ASXL2: variants seen among roughly 807,000 people sequenced by gnomAD.
ASXL2 encodes putative Polycomb group protein ASXL2.
Under a neutral mutation model 122.0 loss-of-function variants are expected in ASXL2, and 23 were observed. That is an observed-to-expected ratio of 0.19 (90% CI 0.14 to 0.27). The LOEUF (loss-of-function observed/expected upper bound fraction) is 0.27, where lower values mean the gene tolerates loss of function less well. ASXL2 is among the 10% of genes least tolerant of loss of function. The pLI is 1.00. For missense variants in ASXL2, 1,518 were observed against 1,713.8 expected (o/e 0.89, Z 2.02); for synonymous variants, 650 against 637.0 (o/e 1.02, Z -0.31).
rs901314690 is a variant in ASXL2, at chr2:25,878,026, A to G, written c.57+140T>C. The G allele has an allele frequency of 2.2e-5, 23 of 1,058,476 alleles. No homozygotes were observed. In the African/African-American group the frequency reaches 3.0e-4, roughly 14 times the overall value. The allele number at this position is 1,058,476 out of a possible 1,614,324, so 65.6% of individuals were successfully genotyped here. A position where few individuals can be genotyped will look rare whatever the true frequency, so the allele number is the denominator to read the frequency against. On this transcript the variant is annotated intron_variant, in intron 1 of 12. Transcript: ENST00000435504. ...CATTCCCACAGGGATCGCAACCCCG[A>G]CACTAACCGCCGCCCTCTCCGCGCG...
chr2:25,816,897 G>A (rs1048275658), intron 3 of ASXL2, among the ~76,000 whole-genome samples: 6 of 152,206 alleles, frequency 3.9e-5, no homozygotes, highest in South Asian at 2.1e-4. Flanking sequence ...GGCCGAGGTT[G>A]GCGGATCACC....
At position 25,742,105 on chromosome 2, in the gene ASXL2, T is replaced by C; in HGVS notation, c.4232A>G (p.Lys1411Arg). 6.2e-7 allele frequency: 1 copy of C among 1,614,042 alleles called. No individual in the cohort carries two copies. The highest frequency in any genetic ancestry group is 1.3e-5 in the African/African-American group (1 of 75,048). ...YCRLKAMIMC[K>R]GCGAFCHDDC... The stretch of plus-strand genomic sequence containing the variant: ...ATCATGGCAGAAAGCGCCACAGCCT[T>C]TGCACATGATCATGGCTTTCAAGCG... The change falls in exon 13 of 13, where the codon AAA becomes AGA. Residue 1411 changes from lysine to arginine, a missense_variant. Coordinates refer to ENST00000435504, the MANE Select transcript of ASXL2 (RefSeq NM_018263.6).
In ASXL2 at chr2:25,737,712, TTAA is replaced by T. The variant is rs1475852057; in HGVS notation, c.*4314_*4316del. On this transcript the variant is annotated 3_prime_UTR_variant, in exon 13 of 13. Transcript: ENST00000435504. ...ATTTTCACTTTTAATGATCTTTTAC[TTAA>T]TAATAAAATGAAAAATAAGAATATA... 2 of 152,194 alleles carry T rather than the reference TTAA, an allele frequency of 1.3e-5. No homozygotes were observed. Among genetic ancestry groups the T allele is most frequent in the Non-Finnish European group, 2.9e-5 (2 of 68,042 alleles). The allele number at this position is 152,194 out of a possible 1,614,324, so 9.4% of individuals were successfully genotyped here. A position where few individuals can be genotyped will look rare whatever the true frequency, so the allele number is the denominator to read the frequency against.
intron 3 of ASXL2, among the ~76,000 whole-genome samples, chr2:25,809,439 A>G (rs1399907678): frequency 6.6e-6 from 1 of 152,200 alleles, no homozygotes; most frequent in Non-Finnish European, 1.5e-5. Context: ...TTTACAGAGC[A>G]GTGAAATTTC....
intron 3 of ASXL2, among the ~76,000 whole-genome samples, chr2:25,831,047 C>T (rs1436191925): frequency 1.3e-5 from 2 of 152,100 alleles, no homozygotes; most frequent in Admixed American, 6.5e-5. Flanking sequence ...TGGCCAGGCA[C>T]GGTAGCTCAC....
chr2:25,831,324 A>T (rs1237255489), intron 3 of ASXL2, among the ~76,000 whole-genome samples: 1 of 150,594 alleles, frequency 6.6e-6, no homozygotes, highest in Non-Finnish European at 1.5e-5. Flanking sequence ...AAAAAAGAGT[A>T]TTCAAAGAAT....
chr2:25,813,057 A>G (rs1463962434), intron 3 of ASXL2, among the ~76,000 whole-genome samples: 2 of 152,228 alleles, frequency 1.3e-5, no homozygotes, highest in African/African-American at 4.8e-5. Flanking sequence ...TAAAAAGGAC[A>G]TAAAACCAAG....
At chr2:25,759,200 C>A (rs2088194785) in intron 9 of ASXL2, among the ~76,000 whole-genome samples, 1 of 152,146 alleles carries the variant, frequency 6.6e-6, no homozygotes, top group Admixed American at 6.5e-5. Context: ...GGTGATCTGC[C>A]CTCCTTGGCT....
At chr2:25,829,289 T>TACACACAC (rs148405440) in intron 3 of ASXL2, among the ~76,000 whole-genome samples, 6 of 145,698 alleles carry the variant, frequency 4.1e-5, no homozygotes, top group African/African-American at 1.5e-4. Context: ...CACATACACA[T>TACACACAC]ACACACACAC....
chr2:25,746,329 T>C (rs1376880937), intron 12 of ASXL2, among the ~76,000 whole-genome samples: 1 of 152,158 alleles, frequency 6.6e-6, no homozygotes. Context: ...GTATATATTT[T>C]ACATCAGGAA....
At chr2:25,876,282 T>C (rs948832795) in intron 1 of ASXL2, among the ~76,000 whole-genome samples, 2 of 152,206 alleles carry the variant, frequency 1.3e-5, no homozygotes, top group Admixed American at 6.6e-5. Flanking sequence ...AATGAGCAAA[T>C]ATACTAACAT....
At position 25,741,426 on chromosome 2, in the gene ASXL2, A is replaced by C. The variant is rs1375195924; in HGVS notation, c.*603T>G. The C allele has an allele frequency of 2.2e-5, 5 of 228,876 alleles. No homozygotes were observed. The highest frequency in any genetic ancestry group is 1.1e-4 in the African/African-American group (5 of 45,028). 14.2% of individuals were successfully genotyped at this position (228,876 alleles called of 1,614,324 possible). ...AGTCAGGGCTTTCAGAGTCTGAAAC[A>C]CTACCTGTGAAATGAATTCCTTACC... On this transcript the variant is annotated 3_prime_UTR_variant, in exon 13 of 13. Transcript: ENST00000435504.
At chr2:25,813,615 G>C (rs1233904919) in intron 3 of ASXL2, among the ~76,000 whole-genome samples, 1 of 152,112 alleles carries the variant, frequency 6.6e-6, no homozygotes, top group Non-Finnish European at 1.5e-5. Flanking sequence ...CTTTAAGTCA[G>C]AGAGAAAAAA....
intron 11 of ASXL2, among the ~76,000 whole-genome samples, chr2:25,752,101 G>A (rs2088056389): frequency 6.6e-6 from 1 of 152,062 alleles, no homozygotes; most frequent in South Asian, 2.1e-4. Flanking sequence ...ATCTCAATAG[G>A]AATATTTCCT....
intron 4 of ASXL2, among the ~76,000 whole-genome samples, chr2:25,802,881 A>G (rs1445922535): frequency 6.6e-6 from 1 of 152,218 alleles, no homozygotes. Flanking sequence ...CTGCAATCCC[A>G]GCACTTTGGT....
intron 6 of ASXL2, among the ~76,000 whole-genome samples, chr2:25,770,266 T>C (rs1385119731): frequency 2.6e-5 from 4 of 152,122 alleles, no homozygotes; most frequent in Admixed American, 2.6e-4. Context: ...TGGAGTGCAG[T>C]GGCACGATCT....
Position 25,741,494 on chromosome 2 carries a change from T to C in ASXL2, c.*535A>G. Reference sequence around the variant, plus strand: ...AAGATTCCACCTAAGGTAAAGGGACTGAGTAAAACCCTGAATCCAAGTCCT... The same window carrying C: ...AAGATTCCACCTAAGGTAAAGGGACCGAGTAAAACCCTGAATCCAAGTCCT... On this transcript the variant is annotated 3_prime_UTR_variant, in exon 13 of 13. Transcript: ENST00000435504. 4.3e-6 allele frequency: 1 copy of C among 231,202 alleles called. No homozygotes were observed. The highest frequency in any genetic ancestry group is 8.6e-6 in the Non-Finnish European group (1 of 116,878). The allele number at this position is 231,202 out of a possible 1,614,324, so 14.3% of individuals were successfully genotyped here.
Position 25,753,559 on chromosome 2 carries a change from ATTG to A in ASXL2, c.1114_1116del (p.Gln372del). On this transcript the variant is annotated inframe_deletion, in exon 11 of 13. Transcript: ENST00000435504. ...CTCTGCCCATAGTAGCTTTCAAAGA[ATTG>A]TTCTTTCCATGGCTCCACTTTTTTC... is the stretch of plus-strand genomic sequence containing the variant. 1 of 1,613,682 alleles carries A rather than the reference ATTG, an allele frequency of 6.2e-7. No homozygotes were observed. The highest frequency in any genetic ancestry group is 8.5e-7 in the Non-Finnish European group (1 of 1,179,812).
chr2:25,832,321 T>C (rs552912521), intron 3 of ASXL2, among the ~76,000 whole-genome samples: 1 of 152,294 alleles, frequency 6.6e-6, no homozygotes, highest in South Asian at 2.1e-4. Flanking sequence ...CGTGTATATA[T>C]TGTAATACCC....
Sources: allele counts gnomAD v4.1 joint callset (sites outside exome capture counted in the v4.1 genomes callset), GRCh38; gene constraint gnomAD v4.1.1; transcripts MANE v1.5; gene names NCBI Gene and HGNC (gene_info 2026-07-23, HGNC 2026-07-21).